The following PCSK5 variants were observed in gnomAD, a reference collection of about 807,000 sequenced individuals.
PCSK5 encodes proprotein convertase subtilisin/kexin type 5, also known as prohormone convertase 5.
In PCSK5, 129 loss-of-function variants were observed where a neutral mutation model predicts 233.2. The ratio of observed to expected loss-of-function variants is 0.55; its 90% CI spans 0.48 to 0.64. The LOEUF (loss-of-function observed/expected upper bound fraction) is 0.64. Ranked by LOEUF, PCSK5 falls within the 30% of genes least tolerant of loss-of-function variation. PCSK5 has a pLI of 0.00. For synonymous variants in PCSK5, 825 were observed against 879.2 expected (o/e 0.94, Z 1.09); for missense variants, 2,076 against 2,430.1 (o/e 0.85, Z 3.06).
At chr9:76,027,233 A>G (rs1227935745) in intron 5 of PCSK5, among the ~76,000 whole-genome samples, 196 bp downstream of exon 5, 1 of 152,170 alleles carries the variant, frequency 6.6e-6, no homozygotes, top group African/African-American at 2.4e-5. Context: ...ATGGTTGCAG[A>G]GAGAGCCCTG....
At chr9:76,071,693 T>C in intron 6 of PCSK5, 33 bp from the exon 7 acceptor site, 1 of 1,581,124 alleles carries the variant, frequency 6.3e-7, no homozygotes, top group Non-Finnish European at 8.6e-7. Context: ...AGGGAAGCCC[T>C]GTAATGAGCT....
At chr9:76,316,574 A>G (rs1230274280) in intron 30 of PCSK5, among the ~76,000 whole-genome samples, 1 of 150,112 alleles carries the variant, frequency 6.7e-6, no homozygotes, top group Non-Finnish European at 1.5e-5. Flanking sequence ...AAAAAAAAAG[A>G]TAAAAATTTA....
upstream of PCSK5, among the ~76,000 whole-genome samples, chr9:75,890,142 A>G (rs553917683): frequency 1.7e-4 from 26 of 152,348 alleles, no homozygotes; most frequent in East Asian, 4.4e-3. Context: ...TTTCGAGCCA[A>G]TTCTAGGAGT....
At chr9:75,933,531 T>G (rs1823908761) in intron 2 of PCSK5, among the ~76,000 whole-genome samples, 1 of 152,222 alleles carries the variant, frequency 6.6e-6, no homozygotes, top group South Asian at 2.1e-4. Flanking sequence ...AAAAGGCCCC[T>G]GTTTGAATTA....
intron 1 of PCSK5, among the ~76,000 whole-genome samples, chr9:75,911,433 C>A (rs11144685): frequency 0.25 from 37,252 of 151,730 alleles, 4,996 homozygotes; most frequent in African/African-American, 0.33. Context: ...ACATTCATTG[C>A]AAATATTTTA....
intron 20 of PCSK5, among the ~76,000 whole-genome samples, chr9:76,223,123 C>T (rs77344300): frequency 0.043 from 6,514 of 152,194 alleles, 178 homozygotes; most frequent in East Asian, 0.15. Flanking sequence ...TCATCAAATT[C>T]CTCCCATCCT....
At chr9:75,959,777 C>T (rs571630367) in intron 2 of PCSK5, among the ~76,000 whole-genome samples, 25 of 152,284 alleles carry the variant, frequency 1.6e-4, no homozygotes, top group African/African-American at 6.0e-4. Flanking sequence ...ACTGAAAAGA[C>T]TATTTATTGG....
chr9:76,041,867 T>G (rs1367973203), intron 5 of PCSK5, among the ~76,000 whole-genome samples: 1 of 151,866 alleles, frequency 6.6e-6, no homozygotes, highest in African/African-American at 2.4e-5. Flanking sequence ...AAAGATTTTA[T>G]AATGTGTTCA....
chr9:75,921,566 TTG>T (rs570109508), intron 1 of PCSK5, among the ~76,000 whole-genome samples: 44 of 148,952 alleles, frequency 3.0e-4, no homozygotes, highest in African/African-American at 9.3e-4. Flanking sequence ...TCTATTTCGT[TTG>T]TGTGTGTGTG....
chr9:75,950,474 G>A (rs1278315522), intron 2 of PCSK5, among the ~76,000 whole-genome samples: 1 of 152,138 alleles, frequency 6.6e-6, no homozygotes, highest in African/African-American at 2.4e-5. Flanking sequence ...AACACCATCA[G>A]ACTAACAGCT....
chr9:76,338,563 C>T (rs1177211801), intron 35 of PCSK5, 116 bp downstream of exon 35: 5 of 683,176 alleles, frequency 7.3e-6, no homozygotes, highest in South Asian at 1.8e-5. Flanking sequence ...TTCCCTACCT[C>T]GTGTGTGATC....
Position 76,184,742 on chromosome 9 carries a change from G to T in PCSK5, c.2267G>T (p.Cys756Phe). ...ACTGAATTCCATAACTGTACAGAAT[G>T]TAGGGATGGGTTAAGGTAAGAGAGT... ...TCTEFHNCTECRDGLSLQGSR... is the reference protein window; with the variant it reads ...TCTEFHNCTEFRDGLSLQGSR... Residue 756 changes from cysteine to phenylalanine, a missense_variant, in exon 17 of 38, where the codon TGT becomes TTT. By Grantham distance (205) the Cys-to-Phe change is radical. Coordinates refer to ENST00000674117, the MANE Select transcript of PCSK5 (RefSeq NM_001372043.1). 6.2e-7 allele frequency: 1 copy of T among 1,600,896 alleles called. No individual in the cohort carries two copies. The highest frequency in any genetic ancestry group is 8.6e-7 in the Non-Finnish European group (1 of 1,168,598).
At chr9:76,231,608 G>GT (rs1474865084) in intron 21 of PCSK5, among the ~76,000 whole-genome samples, 11 of 152,194 alleles carry the variant, frequency 7.2e-5, no homozygotes, top group South Asian at 4.1e-4. Flanking sequence ...AAGATTTTGG[G>GT]TTTTTTTGTT....
intron 8 of PCSK5, among the ~76,000 whole-genome samples, chr9:76,103,526 G>A (rs573522535): frequency 2.0e-5 from 3 of 152,192 alleles, no homozygotes; most frequent in Admixed American, 2.0e-4. Context: ...GGTCCAATCA[G>A]AACAAGTAAT....
intron 3 of PCSK5, among the ~76,000 whole-genome samples, chr9:76,004,488 T>G (rs1827395769): frequency 6.6e-6 from 1 of 152,210 alleles, no homozygotes; most frequent in Non-Finnish European, 1.5e-5. Context: ...GGATGATATT[T>G]TGTAGCACGT....
At chr9:76,020,626 A>G (rs890498779) in intron 3 of PCSK5, among the ~76,000 whole-genome samples, 4 of 152,226 alleles carry the variant, frequency 2.6e-5, no homozygotes, top group African/African-American at 9.6e-5. Flanking sequence ...GAAAACAAGC[A>G]AAAAGGTGGT....
chr9:75,902,888 G>A (rs1037463518), intron 1 of PCSK5, among the ~76,000 whole-genome samples: 1 of 152,150 alleles, frequency 6.6e-6, no homozygotes, highest in East Asian at 1.9e-4. Context: ...CCCATATTTG[G>A]TTTAAAAACT....
chr9:76,313,280 G>C (rs1218158392), intron 30 of PCSK5, among the ~76,000 whole-genome samples: 2 of 152,098 alleles, frequency 1.3e-5, no homozygotes, highest in African/African-American at 4.8e-5. Flanking sequence ...ACTTTATTGA[G>C]ATATAATTCA....
chr9:76,008,373 T>C (rs939730822), intron 3 of PCSK5, among the ~76,000 whole-genome samples: 9 of 152,300 alleles, frequency 5.9e-5, no homozygotes, highest in African/African-American at 2.2e-4. Context: ...AAGATTTAGA[T>C]GGCTTTCATT....
Sources: gnomAD v4.1 joint callset for allele counts (sites outside exome capture counted in the v4.1 genomes callset) on GRCh38, gnomAD v4.1.1 for gene constraint, MANE v1.5 for transcripts, NCBI Gene and HGNC (gene_info 2026-07-23, HGNC 2026-07-21) for gene names.